RGS6: variants seen among roughly 807,000 people sequenced by gnomAD.
RGS6 encodes regulator of G protein signaling 6, also known as regulator of G-protein signaling 6.
A neutral mutation model predicts 78.5 loss-of-function variants in RGS6; 30 were observed. The observed-to-expected ratio is 0.38, with a 90% CI of 0.29 to 0.52. RGS6 has a LOEUF of 0.52. RGS6 is among the 20% of genes least tolerant of loss of function. RGS6 has a pLI of 0.85. For synonymous variants in RGS6, 206 were observed against 206.0 expected, an observed-to-expected ratio of 1.00 and a Z score of 0.00; for missense variants, 495 against 609.7, an observed-to-expected ratio of 0.81 and a Z score of 1.98.
At chr14:72,456,342 G>A (rs2095629491) in intron 4 of RGS6, among the ~76,000 whole-genome samples, 1 of 152,222 alleles carries the variant, frequency 6.6e-6, no homozygotes, top group Admixed American at 6.5e-5. Context: ...CCAGGCTAGA[G>A]TGCAGTGGCA....
chr14:72,002,533 T>C (rs1400892075), intron 2 of RGS6, among the ~76,000 whole-genome samples: 1 of 152,032 alleles, frequency 6.6e-6, no homozygotes, highest in Non-Finnish European at 1.5e-5. Context: ...TTATCTGAGG[T>C]TTGGCCTTTA....
At chr14:72,003,732 G>GATGGAGGC (rs2083953326) in intron 2 of RGS6, among the ~76,000 whole-genome samples, 1 of 152,056 alleles carries the variant, frequency 6.6e-6, no homozygotes, top group African/African-American at 2.4e-5. Flanking sequence ...GGGATGGAGG[G>GATGGAGGC]AGGACTGGGT....
the RGS6 span, among the ~76,000 whole-genome samples, chr14:72,608,468 A>G: frequency 6.6e-6 from 1 of 152,122 alleles, no homozygotes; most frequent in South Asian, 2.1e-4. Context: ...GGCAGCTGAG[A>G]GAAAAGAAGC....
the RGS6 span, among the ~76,000 whole-genome samples, chr14:72,621,382 A>G: frequency 6.6e-6 from 1 of 151,938 alleles, no homozygotes; most frequent in African/African-American, 2.4e-5. Flanking sequence ...GATTGTTGAA[A>G]CTGTTTGGAT....
intron 12 of RGS6, among the ~76,000 whole-genome samples, chr14:72,491,127 G>T (rs530851041): frequency 3.9e-5 from 6 of 152,294 alleles, no homozygotes; most frequent in Admixed American, 6.5e-5. Flanking sequence ...AGGAATTGTG[G>T]CTCTGACTTT....
chr14:72,170,691 A>G (rs1055216511), intron 2 of RGS6, among the ~76,000 whole-genome samples: 4 of 152,230 alleles, frequency 2.6e-5, no homozygotes, highest in African/African-American at 4.8e-5. Flanking sequence ...AAGGAGTACA[A>G]TTATTTACAT....
intron 2 of RGS6, among the ~76,000 whole-genome samples, chr14:72,252,955 C>T (rs938262266): frequency 3.9e-5 from 6 of 152,222 alleles, no homozygotes; most frequent in African/African-American, 1.4e-4. Context: ...GGTTACTTCT[C>T]AAGGTCTTGT....
intron 2 of RGS6, among the ~76,000 whole-genome samples, chr14:72,124,085 G>A (rs1258139069): frequency 6.6e-6 from 1 of 152,222 alleles, no homozygotes; most frequent in Non-Finnish European, 1.5e-5. Context: ...ATGGAAGGTA[G>A]GTGACAGATG....
chr14:72,422,512 GAA>G (rs1051669440), intron 3 of RGS6, among the ~76,000 whole-genome samples: 5 of 152,198 alleles, frequency 3.3e-5, no homozygotes, highest in Non-Finnish European at 7.3e-5. Flanking sequence ...GTGGGCGAGA[GAA>G]AGAAGTCTCG....
the RGS6 span, among the ~76,000 whole-genome samples, chr14:71,917,079 C>T: frequency 6.6e-6 from 1 of 152,212 alleles, no homozygotes; most frequent in Admixed American, 6.5e-5. Context: ...TGGGACTGCA[C>T]TCATGGGTCA....
At chr14:71,913,778 C>T in the RGS6 span, among the ~76,000 whole-genome samples, 1 of 152,236 alleles carries the variant, frequency 6.6e-6, no homozygotes, top group Non-Finnish European at 1.5e-5. Flanking sequence ...TAATTGGATA[C>T]AGAGCCTAGA....
chr14:72,333,547 A>G (rs894217824), intron 2 of RGS6, among the ~76,000 whole-genome samples: 2 of 152,052 alleles, frequency 1.3e-5, no homozygotes, highest in Non-Finnish European at 2.9e-5. Flanking sequence ...TGCTGTATTT[A>G]CTCGGTTGGC....
the RGS6 span, among the ~76,000 whole-genome samples, chr14:72,581,602 G>A: frequency 1.3e-4 from 20 of 152,168 alleles, 1 homozygote; most frequent in Admixed American, 1.0e-3. Context: ...TTGCACATGC[G>A]TGAACCTAGC....
Position 72,465,619 on chromosome 14 carries a change from TGGGTG to T in RGS6, c.395-137_395-133del, listed in dbSNP as rs1477611711. ...ATGGATGGTTGGGTGGATGGGTGGA[TGGGTG>T]GATGGATGGATGGATGGATGGATGG... On this transcript the variant is annotated intron_variant, in intron 6 of 17. Coordinates refer to ENST00000553525, the MANE Select transcript of RGS6 (RefSeq NM_001204424.2). The T allele has an allele frequency of 1.1e-5, 4 of 362,194 alleles. No homozygotes were observed. In the East Asian group the frequency reaches 2.1e-4, roughly 19 times the overall value. 22.4% of individuals were successfully genotyped at this position (362,194 alleles called of 1,614,324 possible).
chr14:71,979,910 G>T (rs2094356545), intron 2 of RGS6, among the ~76,000 whole-genome samples: 1 of 143,140 alleles, frequency 7.0e-6, no homozygotes. Context: ...CTCTTTGTAG[G>T]TCACTCAGGA....
At chr14:72,212,905 G>A (rs2044527994) in intron 2 of RGS6, among the ~76,000 whole-genome samples, 1 of 152,200 alleles carries the variant, frequency 6.6e-6, no homozygotes, top group South Asian at 2.1e-4. Flanking sequence ...CTTTCTGAAA[G>A]GAAAGGGAAC....
the RGS6 span, among the ~76,000 whole-genome samples, chr14:72,574,917 G>A: frequency 1.3e-5 from 2 of 152,142 alleles, no homozygotes; most frequent in African/African-American, 2.4e-5. Flanking sequence ...AGCAGTGAGG[G>A]TGCAGAGAGG....
chr14:71,988,129 G>A (rs1054101894), intron 2 of RGS6, among the ~76,000 whole-genome samples: 17 of 152,162 alleles, frequency 1.1e-4, no homozygotes, highest in Non-Finnish European at 2.2e-4. Flanking sequence ...GACCCTGGGC[G>A]CTAATGTGAC....
chr14:71,969,069 G>T (rs1278018130), intron 2 of RGS6, among the ~76,000 whole-genome samples: 1 of 152,168 alleles, frequency 6.6e-6, no homozygotes, highest in African/African-American at 2.4e-5. Context: ...GTGAGAAGAT[G>T]CAGTGTTTGG....
Sources: allele counts gnomAD v4.1 joint callset (sites outside exome capture counted in the v4.1 genomes callset), GRCh38; gene constraint gnomAD v4.1.1; transcripts MANE v1.5; gene names NCBI Gene and HGNC (gene_info 2026-07-23, HGNC 2026-07-21).